Variants in RAB3GAP2 observed in about 807,000 individuals in gnomAD.
RAB3GAP2 encodes RAB3 GTPase activating non-catalytic protein subunit 2, also known as rab3 GTPase-activating protein non-catalytic subunit.
Under a neutral mutation model 185.3 loss-of-function variants are expected in RAB3GAP2, and 87 were observed. That is an observed-to-expected ratio of 0.47 (90% CI 0.39 to 0.56). The LOEUF is 0.56. Ranked by LOEUF, RAB3GAP2 falls within the 20% of genes least tolerant of loss-of-function variation. The pLI is 0.00. For synonymous variants in RAB3GAP2, 554 were observed against 576.1 expected (o/e 0.96, Z 0.55); for missense variants, 1,492 against 1,638.2 (o/e 0.91, Z 1.54).
At position 220,196,325 on chromosome 1, in the gene RAB3GAP2, T is replaced by A; in HGVS notation, c.885A>T (p.Lys295Asn). Residue 295 changes from lysine (K) to asparagine (N), a missense_variant, in exon 10 of 35, where the codon AAA (lysine) becomes AAT (asparagine). Transcript: ENST00000358951. ...ACTGAGACATGGCAGGTGGACTATT[T>A]TTAATTGCTGCATTAAATCCACCTA... The part of the protein sequence containing the change: ...SNIGGFNAAI[K>N]NSPPAMSQYI... 6.2e-7 allele frequency: 1 copy of A among 1,610,626 alleles called. No individual in the cohort carries two copies. Among genetic ancestry groups the A allele is most frequent in the South Asian group, 1.1e-5 (1 of 91,014 alleles).
chr1:220,259,633 A>G (rs1660097375), intron 1 of RAB3GAP2, among the ~76,000 whole-genome samples: 1 of 152,218 alleles, frequency 6.6e-6, no homozygotes, highest in Non-Finnish European at 1.5e-5. Context: ...CCAAAACTAT[A>G]AAAACCCTAG....
At position 220,171,113 on chromosome 1, in the gene RAB3GAP2, T is replaced by C. The variant is rs1384038751; in HGVS notation, c.2585A>G (p.Gln862Arg). 6.2e-7 allele frequency: 1 copy of C among 1,613,958 alleles called. No individual in the cohort carries two copies. The highest frequency in any genetic ancestry group is 1.1e-5 in the South Asian group (1 of 91,078). Reference sequence around the variant, plus strand: ...CTCTGAATCAGCACCCAAAACTGTTTGGGAAAACTAATAAAAAATGCACTG... The same window carrying C: ...CTCTGAATCAGCACCCAAAACTGTTCGGGAAAACTAATAAAAAATGCACTG... ...SNNMTEKKFSQTVLGADSEAL... is the reference protein window; with the variant it reads ...SNNMTEKKFSRTVLGADSEAL... The change falls in exon 24 of 35, where the codon CAA (glutamine) becomes CGA (arginine). Residue 862 changes from glutamine (Q) to arginine (R), a missense_variant. Coordinates refer to ENST00000358951, the MANE Select transcript of RAB3GAP2 (RefSeq NM_012414.4).
At position 220,182,864 on chromosome 1, in the gene RAB3GAP2, T is replaced by C. The variant is rs745575382; in HGVS notation, c.2066A>G (p.Tyr689Cys). The change falls in exon 20 of 35, where the codon TAT becomes TGT. Residue 689 changes from tyrosine (Y) to cysteine (C), a missense_variant. By Grantham distance (194) the Tyr-to-Cys change is radical. Coordinates refer to ENST00000358951, the MANE Select transcript of RAB3GAP2 (RefSeq NM_012414.4). ...ATTTGTCCTGGTGTTCTCTTGCTTA[T>C]ATTTCTCTAGTAATGCCTGGAGCTT... is the stretch of plus-strand genomic sequence containing the variant. ...LLKLQALLEK[Y>C]KQENTRTNVR... 1 of 1,613,650 alleles carries C rather than the reference T, an allele frequency of 6.2e-7. No individual in the cohort carries two copies. The highest frequency in any genetic ancestry group is 8.5e-7 in the Non-Finnish European group (1 of 1,179,750).
chr1:220,195,191 T>C, intron 11 of RAB3GAP2, 24 bp from the exon 12 acceptor site: 1 of 1,613,006 alleles, frequency 6.2e-7, no homozygotes. Context: ...AAACTTAGAA[T>C]ATAAAACTGA....
chr1:220,174,577 T>C (rs1005314777), intron 21 of RAB3GAP2, among the ~76,000 whole-genome samples: 5 of 152,178 alleles, frequency 3.3e-5, no homozygotes, highest in African/African-American at 4.8e-5. Flanking sequence ...TGCACAGTTA[T>C]TATTGACTAT....
At chr1:220,235,501 G>A (rs1286177779) in intron 1 of RAB3GAP2, among the ~76,000 whole-genome samples, 1 of 152,016 alleles carries the variant, frequency 6.6e-6, no homozygotes. Context: ...CCACAATCTC[G>A]AAAAGACCAT....
intron 2 of RAB3GAP2, among the ~76,000 whole-genome samples, chr1:220,225,223 T>C (rs1184807135): frequency 6.6e-6 from 1 of 152,182 alleles, no homozygotes; most frequent in East Asian, 1.9e-4. Flanking sequence ...AGAACTTAAA[T>C]TAACTTTTGT....
chr1:220,182,854 C>T lies in RAB3GAP2; in HGVS notation c.2076G>A (p.Glu692=), dbSNP rs752347159. ...LQALLEKYKQ[E]NTRTNVRFSD... ...AAAATCGAACATTTGTCCTGGTGTT[C>T]TCTTGCTTATATTTCTCTAGTAATG... Residue 692 remains glutamate, a synonymous_variant, in exon 20 of 35, where the codon GAG becomes GAA. Coordinates refer to ENST00000358951, the MANE Select transcript of RAB3GAP2 (RefSeq NM_012414.4). 31 of 1,613,414 alleles carry T rather than the reference C, an allele frequency of 1.9e-5. No individual in the cohort carries two copies. Among genetic ancestry groups the T allele is most frequent in the African/African-American group, 2.7e-5 (2 of 74,874 alleles).
At chr1:220,254,118 T>C (rs1206995741) in intron 1 of RAB3GAP2, 3 of 1,613,812 alleles carry the variant, frequency 1.9e-6, no homozygotes, top group Non-Finnish European at 2.5e-6. Context: ...AGCTCTTTTA[T>C]CTTCCTGCCA....
chr1:220,239,028 A>G (rs1051896833), intron 1 of RAB3GAP2, among the ~76,000 whole-genome samples: 1 of 152,212 alleles, frequency 6.6e-6, no homozygotes, highest in Non-Finnish European at 1.5e-5. Context: ...TGACATTCTT[A>G]CTCAAATCCT....
At position 220,191,092 on chromosome 1, in the gene RAB3GAP2, G is replaced by C. The variant is rs201655012; in HGVS notation, c.1463C>G (p.Ala488Gly). The change falls in exon 14 of 35, where the codon GCT becomes GGT. Residue 488 changes from alanine (A) to glycine (G), a missense_variant. By Grantham distance (60) the Ala-to-Gly change is moderately conservative. Around this residue, in one of 5 missense-constraint regions of RAB3GAP2, gnomAD observed 681 missense variants for 689.1 expected, o/e 0.99. Transcript: ENST00000358951. ...CCTGCAGTGCTTCCCCACATTGAAAGCTCCTACTCTAGGTCCCTGCTGTGT... is the reference window on the plus strand; with the variant it reads ...CCTGCAGTGCTTCCCCACATTGAAACCTCCTACTCTAGGTCCCTGCTGTGT... ...WSTQQGPRVG[A>G]FNVGKHCRLL... The C allele has an allele frequency of 5.6e-6, 9 of 1,613,858 alleles. No individual in the cohort carries two copies. The highest frequency in any genetic ancestry group is 7.6e-6 in the Non-Finnish European group (9 of 1,179,922).
At chr1:220,165,646 G>C (rs1022289103) in intron 26 of RAB3GAP2, among the ~76,000 whole-genome samples, 94 of 151,880 alleles carry the variant, frequency 6.2e-4, no homozygotes, top group Admixed American at 3.9e-4. Context: ...ATATTTAATG[G>C]GAAAAACAAA....
intron 23 of RAB3GAP2, 33 bp downstream of exon 23, chr1:220,171,856 G>T: frequency 6.2e-7 from 1 of 1,613,692 alleles, no homozygotes; most frequent in Non-Finnish European, 8.5e-7. Context: ...TACTGGATGT[G>T]TACAGATCAA....
intron 27 of RAB3GAP2, among the ~76,000 whole-genome samples, chr1:220,164,468 G>GTTTTT (rs1339856200): frequency 6.8e-5 from 8 of 117,046 alleles, no homozygotes; most frequent in African/African-American, 2.0e-4. Flanking sequence ...TTTGTTTTTT[G>GTTTTT]TTTTGTTTTT....
Position 220,151,282 on chromosome 1 carries a change from G to A in RAB3GAP2, c.4151C>T (p.Ala1384Val), listed in dbSNP as rs776993625. ...AGAAGGAAGAGATATGGCTTCCACAGCTTCAATGAGGTGTAAGGCTAGACC... is the reference window on the plus strand; with the variant it reads ...AGAAGGAAGAGATATGGCTTCCACAACTTCAATGAGGTGTAAGGCTAGACC... ...QYGLALHLIE[A>V]VEAISLPSL is the part of the protein sequence containing the mutation. The change falls in exon 35 of 35, where the codon GCT becomes GTT. Residue 1384 changes from alanine (A) to valine (V), a missense_variant. Coordinates refer to ENST00000358951, the MANE Select transcript of RAB3GAP2 (RefSeq NM_012414.4). 1 of 1,614,006 alleles carries A rather than the reference G, an allele frequency of 6.2e-7. No homozygotes were observed. Among genetic ancestry groups the A allele is most frequent in the Non-Finnish European group, 8.5e-7 (1 of 1,179,960 alleles).
intron 20 of RAB3GAP2, among the ~76,000 whole-genome samples, 155 bp downstream of exon 20, chr1:220,182,562 AC>A (rs1206324281): frequency 2.6e-5 from 4 of 152,216 alleles, no homozygotes; most frequent in Non-Finnish European, 5.9e-5. Flanking sequence ...CAACCTGTTG[AC>A]CAGAGTATCT....
At chr1:220,190,177 G>T in intron 15 of RAB3GAP2, 31 bp from the exon 16 acceptor site, 1 of 1,572,722 alleles carries the variant, frequency 6.4e-7, no homozygotes, top group Non-Finnish European at 8.7e-7. Context: ...AATTATTACA[G>T]AATGTGAAAT....
intron 16 of RAB3GAP2, 44 bp downstream of exon 16, chr1:220,190,020 T>C (rs770326438): frequency 6.3e-6 from 9 of 1,431,368 alleles, no homozygotes; most frequent in Non-Finnish European, 7.9e-6. Flanking sequence ...ATTTAAAAGA[T>C]GATAGAACAA....
chr1:220,153,180 A>T lies in RAB3GAP2; in HGVS notation c.3867+5T>A. 1 of 1,594,826 alleles carries T rather than the reference A, an allele frequency of 6.3e-7. No homozygotes were observed. Among genetic ancestry groups the T allele is most frequent in the South Asian group, 1.1e-5 (1 of 90,686 alleles). On this transcript the variant is annotated splice_donor_5th_base_variant and intron_variant, in intron 33 of 34. Transcript: ENST00000358951. ...CCCAATTAACATTCAAAGGGTCATG[A>T]TTACCTCTTCTCCTAAGTGGTCAAC...
Sources: allele counts gnomAD v4.1 joint callset (sites outside exome capture counted in the v4.1 genomes callset), GRCh38; gene constraint gnomAD v4.1.1; regional missense constraint gnomAD v4.1.1; transcripts MANE v1.5; gene names NCBI Gene and HGNC (gene_info 2026-07-23, HGNC 2026-07-21).